The following SUMF1 variants were observed in gnomAD, a reference collection of about 807,000 sequenced individuals.
The protein encoded by SUMF1 is sulfatase modifying factor 1.
SUMF1 carries 48 observed loss-of-function variants against 47.6 expected under a neutral mutation model. The ratio of observed to expected loss-of-function variants is 1.01; its 90% CI spans 0.80 to 1.28. The LOEUF (loss-of-function observed/expected upper bound fraction) is 1.28, where lower values mean the gene tolerates loss of function less well. Ranked by LOEUF, SUMF1 falls within the 50% of genes most tolerant of loss-of-function variation. SUMF1 has a pLI of 0.00. For synonymous variants in SUMF1, 230 were observed against 192.1 expected (o/e 1.20, Z -1.63); for missense variants, 571 against 485.4 (o/e 1.18, Z -1.66).
At position 4,362,235 on chromosome 3, in the gene SUMF1, C is replaced by T. The variant is rs139267495; in HGVS notation, c.1034G>A (p.Arg345His). Residue 345 changes from arginine to histidine, a missense_variant, in exon 9 of 9, where the codon CGC becomes CAC. By Grantham distance (29) the Arg-to-His change is conservative. Transcript: ENST00000272902. ...TGTGTTCTGGCTCCGAGCAGCACAG[C>T]GATACCTGTAACAATAAGACTGTGT... ...MCHRSYCYRY[R>H]CAARSQNTPD... The T allele has an allele frequency of 9.9e-6, 16 of 1,613,984 alleles. No individual in the cohort carries two copies. Among genetic ancestry groups the T allele is most frequent in the African/African-American group, 2.7e-5 (2 of 74,928 alleles).
At chr3:4,317,404 C>A in intron 8 of SUMF1, 1 of 622,346 alleles carries the variant, frequency 1.6e-6, no homozygotes, top group Non-Finnish European at 2.7e-6. Flanking sequence ...GAAATGTGGC[C>A]TGGCATGGTG....
At chr3:4,199,221 AT>A (rs1272117375) in intron 8 of SUMF1, among the ~76,000 whole-genome samples, 1 of 152,120 alleles carries the variant, frequency 6.6e-6, no homozygotes, top group Non-Finnish European at 1.5e-5. Context: ...TTTTCCAGAA[AT>A]TTTATATAAA....
At chr3:4,203,212 T>TG (rs1420664377) in intron 8 of SUMF1, among the ~76,000 whole-genome samples, 1 of 151,998 alleles carries the variant, frequency 6.6e-6, no homozygotes, top group Non-Finnish European at 1.5e-5. Context: ...CCTATTGTAT[T>TG]GGGGTCTATC....
chr3:4,139,087 A>G (rs938688139), intron 8 of SUMF1, among the ~76,000 whole-genome samples: 8 of 152,180 alleles, frequency 5.3e-5, no homozygotes, highest in African/African-American at 1.4e-4. Flanking sequence ...TCCTAATAAC[A>G]AAACTATTAA....
At chr3:4,333,185 C>A (rs1184450478) in intron 8 of SUMF1, among the ~76,000 whole-genome samples, 1 of 152,194 alleles carries the variant, frequency 6.6e-6, no homozygotes, top group Non-Finnish European at 1.5e-5. Flanking sequence ...TGCCCTCTGC[C>A]CTTGCAGAAA....
At chr3:4,370,798 G>A (rs1575143994) in intron 8 of SUMF1, among the ~76,000 whole-genome samples, 2 of 152,094 alleles carry the variant, frequency 1.3e-5, no homozygotes, top group African/African-American at 4.8e-5. Flanking sequence ...TCTTTACTAT[G>A]TATTTTCTAA....
chr3:4,234,693 G>C (rs1318329679), intron 8 of SUMF1, among the ~76,000 whole-genome samples: 1 of 152,114 alleles, frequency 6.6e-6, no homozygotes, highest in Non-Finnish European at 1.5e-5. Context: ...TGTTAAGGAA[G>C]TATTTGGGGA....
chr3:4,268,952 G>A (rs2243966), intron 8 of SUMF1, among the ~76,000 whole-genome samples: 139,450 of 152,034 alleles, frequency 0.92, 64,077 homozygotes, highest in East Asian at 1. Context: ...AGCATGCTCC[G>A]GTAGTATAAG....
intron 9 of SUMF1, among the ~76,000 whole-genome samples, chr3:4,067,807 C>T (rs1375268106): frequency 6.6e-6 from 1 of 152,120 alleles, no homozygotes; most frequent in Non-Finnish European, 1.5e-5. Flanking sequence ...CAACCTGAAA[C>T]CAATTGTCAA....
chr3:4,037,228 A>G (rs1694817166), intron 9 of SUMF1, among the ~76,000 whole-genome samples: 1 of 152,188 alleles, frequency 6.6e-6, no homozygotes, highest in Non-Finnish European at 1.5e-5. Flanking sequence ...GTAACATAGC[A>G]AAGATAAAAT....
At chr3:4,200,117 T>G (rs561639702) in intron 8 of SUMF1, among the ~76,000 whole-genome samples, 2 of 152,112 alleles carry the variant, frequency 1.3e-5, no homozygotes, top group Admixed American at 1.3e-4. Context: ...CTCTTACATT[T>G]AGATCTATGA....
intron 7 of SUMF1, among the ~76,000 whole-genome samples, chr3:4,390,927 G>C (rs902065611): frequency 1.3e-5 from 2 of 152,078 alleles, no homozygotes; most frequent in African/African-American, 4.8e-5. Context: ...GTTGTATTTA[G>C]TAAGAGGAAT....
intron 7 of SUMF1, among the ~76,000 whole-genome samples, chr3:4,389,204 T>C (rs921894870): frequency 2.6e-5 from 4 of 152,158 alleles, no homozygotes; most frequent in African/African-American, 9.7e-5. Context: ...TTCTCCTTAT[T>C]CCAAAAAGAT....
intron 8 of SUMF1, among the ~76,000 whole-genome samples, chr3:4,367,263 G>A (rs1031206837): frequency 1.3e-5 from 2 of 152,132 alleles, no homozygotes; most frequent in Non-Finnish European, 2.9e-5. Flanking sequence ...GTCAGACAGG[G>A]ACATTTAAGT....
chr3:4,319,643 C>G (rs1237222033), intron 8 of SUMF1, among the ~76,000 whole-genome samples: 1 of 152,310 alleles, frequency 6.6e-6, no homozygotes, highest in South Asian at 2.1e-4. Flanking sequence ...TTCTATGGGA[C>G]AGTTGGAACA....
At position 4,286,926 on chromosome 3, in the gene SUMF1, T is replaced by C. The variant is rs553258899; in HGVS notation, c.1014+89404A>G. Among the ~76,000 whole-genome samples the C allele has an allele frequency of 5.3e-5, 8 of 152,334 alleles. No homozygotes were observed. In the East Asian group the frequency reaches 1.2e-3, roughly 22 times the overall value. ...TTTTAGGTTATTGTAAAACCATCTA[T>C]TGCAATGTTCTCAAAGTGTGGTCCA... On this transcript the variant is annotated intron_variant and NMD_transcript_variant, in intron 8 of 12. Transcript: ENST00000448413.
chr3:4,133,131 CTT>C (rs527287147), intron 8 of SUMF1, among the ~76,000 whole-genome samples: 2 of 152,166 alleles, frequency 1.3e-5, no homozygotes, highest in African/African-American at 4.8e-5. Context: ...CTTCCTTCTT[CTT>C]TTGTTAAAAA....
chr3:4,160,675 T>C (rs1694554806), intron 8 of SUMF1, among the ~76,000 whole-genome samples: 2 of 152,116 alleles, frequency 1.3e-5, no homozygotes, highest in Admixed American at 1.3e-4. Context: ...TCTTTTTCAC[T>C]ATTTCCATCT....
chr3:4,049,761 T>C (rs896052226), intron 9 of SUMF1, among the ~76,000 whole-genome samples: 2 of 152,254 alleles, frequency 1.3e-5, no homozygotes. Context: ...CTTTTCACAA[T>C]GGCAGAGGGC....
Sources: allele counts gnomAD v4.1 joint callset (sites outside exome capture counted in the v4.1 genomes callset), GRCh38; gene constraint gnomAD v4.1.1; transcripts MANE v1.5; gene names NCBI Gene and HGNC (gene_info 2026-07-23, HGNC 2026-07-21).